SP3: variants seen among roughly 807,000 people sequenced by gnomAD.
The protein encoded by SP3 is transcription factor Sp3.
A neutral mutation model predicts 70.3 loss-of-function variants in SP3; 10 were observed. The observed-to-expected ratio is 0.14, with a 90% CI of 0.09 to 0.24. SP3 has a LOEUF of 0.24. Ranked by LOEUF, SP3 falls within the 10% of genes least tolerant of loss-of-function variation. The pLI, the probability that SP3 is intolerant of heterozygous loss-of-function variation, is 1.00. For synonymous variants in SP3, 402 were observed against 333.5 expected, an observed-to-expected ratio of 1.21 and a Z score of -2.24; for missense variants, 825 against 914.6, an observed-to-expected ratio of 0.90 and a Z score of 1.26.
chr2:173,931,660 T>C (rs1157906398), intron 4 of SP3, among the ~76,000 whole-genome samples: 1 of 152,118 alleles, frequency 6.6e-6, no homozygotes, highest in Non-Finnish European at 1.5e-5. Context: ...TGTTGTTTAG[T>C]GTGGCCATTT....
intron 4 of SP3, among the ~76,000 whole-genome samples, chr2:173,926,646 T>A (rs1479834247): frequency 6.6e-6 from 1 of 152,076 alleles, no homozygotes; most frequent in Non-Finnish European, 1.5e-5. Flanking sequence ...AAAAATAAAT[T>A]GGGCCACAAT....
intron 4 of SP3, among the ~76,000 whole-genome samples, chr2:173,932,889 G>A (rs532292769): frequency 6.6e-6 from 1 of 152,292 alleles, no homozygotes; most frequent in South Asian, 2.1e-4. Context: ...CTACTCGGGA[G>A]GCTGAGGCAG....
chr2:173,951,771 T>C (rs1382434458), intron 4 of SP3, among the ~76,000 whole-genome samples: 1 of 152,226 alleles, frequency 6.6e-6, no homozygotes, highest in East Asian at 1.9e-4. Context: ...CTGTAAACTT[T>C]CTATACTGTT....
chr2:173,965,334 A>C lies in SP3; in HGVS notation c.-163T>G. On this transcript the variant is annotated 5_prime_UTR_variant, in exon 1 of 7. Transcript: ENST00000310015. ...TTGATTGACTGTGCGGGAAACACAA[A>C]AGGTGGAGCCTCCAGCCCAAAAGGG... The C allele has an allele frequency of 2.5e-6, 2 of 798,252 alleles. No individual in the cohort carries two copies. The highest frequency in any genetic ancestry group is 1.8e-5 in the African/African-American group (1 of 55,770). 49.4% of individuals were successfully genotyped at this position (798,252 alleles called of 1,614,324 possible).
intron 4 of SP3, among the ~76,000 whole-genome samples, chr2:173,949,597 G>A (rs188092613): frequency 1.1e-4 from 16 of 152,158 alleles, no homozygotes; most frequent in East Asian, 7.7e-4. Flanking sequence ...AACAGTACCC[G>A]ATAGAGTAGG....
intron 4 of SP3, among the ~76,000 whole-genome samples, chr2:173,939,189 G>A (rs1175683798): frequency 6.6e-6 from 1 of 152,152 alleles, no homozygotes; most frequent in African/African-American, 2.4e-5. Flanking sequence ...AGCGCTGTAA[G>A]TTATCTGTAG....
Position 173,906,954 on chromosome 2 carries a change from T to C in SP3, c.*2987A>G, listed in dbSNP as rs1472872671. ...TCTATGAAATAGGCTTGACATGCTT[T>C]CAGCTTATATGTATGTGTATTTTTA... On this transcript the variant is annotated 3_prime_UTR_variant, in exon 7 of 7. Coordinates refer to ENST00000310015, the MANE Select transcript of SP3 (RefSeq NM_003111.5). The C allele has an allele frequency of 2.6e-5, 4 of 152,248 alleles. No homozygotes were observed. Among genetic ancestry groups the C allele is most frequent in the African/African-American group, 9.6e-5 (4 of 41,472 alleles). 9.4% of individuals were successfully genotyped at this position (152,248 alleles called of 1,614,324 possible).
At chr2:173,939,812 A>C (rs1690313007) in intron 4 of SP3, among the ~76,000 whole-genome samples, 1 of 148,118 alleles carries the variant, frequency 6.8e-6, no homozygotes, top group Non-Finnish European at 1.5e-5. Flanking sequence ...AGGAATTAAA[A>C]AGATTAAAAA....
rs187423556 is a variant in SP3 at position 173,902,549 on chromosome 2, G to T, written c.*7392C>A. Among the ~76,000 whole-genome samples, 72 of 152,244 alleles carry T rather than the reference G, an allele frequency of 4.7e-4. No homozygotes were observed. The highest frequency in any genetic ancestry group is 6.8e-3 in the Middle Eastern group (2 of 294). ...TATTTCATTGCAGCATTGTTTATAA[G>T]TCAAAAATTGGAAATAACTGAGATG... On this transcript the variant is annotated 3_prime_UTR_variant, in exon 7 of 7. Transcript: ENST00000310015.
intron 4 of SP3, among the ~76,000 whole-genome samples, chr2:173,950,825 T>A (rs1690690800): frequency 6.6e-6 from 1 of 152,156 alleles, no homozygotes; most frequent in African/African-American, 2.4e-5. Context: ...AGAAAGATAG[T>A]ATACCAAGAG....
At chr2:173,924,229 TTTTA>T (rs1381318200) in intron 4 of SP3, among the ~76,000 whole-genome samples, 4 of 152,226 alleles carry the variant, frequency 2.6e-5, no homozygotes, top group African/African-American at 4.8e-5. Context: ...GAAATTAATC[TTTTA>T]TTAACCTTTC....
chr2:173,952,815 T>C (rs1402315064), intron 4 of SP3, among the ~76,000 whole-genome samples: 1 of 152,174 alleles, frequency 6.6e-6, no homozygotes, highest in African/African-American at 2.4e-5. Context: ...GGCCACATAT[T>C]GTACAATTAC....
At chr2:173,960,671 T>C (rs955396719) in intron 3 of SP3, among the ~76,000 whole-genome samples, 1 of 152,186 alleles carries the variant, frequency 6.6e-6, no homozygotes, top group South Asian at 2.1e-4. Context: ...ATCACTTTCA[T>C]AATAGTCACT....
rs1559084095 is a variant in SP3, at chr2:173,901,770, C to T, written c.*8171G>A. On this transcript the variant is annotated 3_prime_UTR_variant, in exon 7 of 7. Transcript: ENST00000310015. ...AGGCTGGAGTGCAGTGGTGCAATCT[C>T]GGCTCACTGCAACCTATGCCTCCTG... Among the ~76,000 whole-genome samples the T allele has an allele frequency of 7.0e-6, 1 of 142,918 alleles. No individual in the cohort carries two copies. Among genetic ancestry groups the T allele is most frequent in the Non-Finnish European group, 1.5e-5 (1 of 66,846 alleles). The allele number at this position is 142,918 out of a possible 152,430, so 93.8% of individuals were successfully genotyped here.
intron 5 of SP3, chr2:173,916,839 C>T (rs1188637388): frequency 6.6e-6 from 1 of 151,992 alleles, no homozygotes; most frequent in Non-Finnish European, 1.5e-5. Context: ...CAATAAATTC[C>T]CAACAAAAGA....
chr2:173,917,246 T>C (rs1238771593), intron 5 of SP3, among the ~76,000 whole-genome samples: 1 of 152,138 alleles, frequency 6.6e-6, no homozygotes, highest in Non-Finnish European at 1.5e-5. Context: ...CCCTCTAAAA[T>C]GAGTTTCAGA....
At chr2:173,935,664 A>G (rs1440494275) in intron 4 of SP3, among the ~76,000 whole-genome samples, 1 of 152,076 alleles carries the variant, frequency 6.6e-6, no homozygotes, top group African/African-American at 2.4e-5. Context: ...AGTTTTATCA[A>G]CTCTCCTGAC....
chr2:173,923,528 C>T (rs1046008233), intron 4 of SP3, among the ~76,000 whole-genome samples: 8 of 151,998 alleles, frequency 5.3e-5, no homozygotes, highest in African/African-American at 1.5e-4. Flanking sequence ...ATCAATAGAG[C>T]TAACAGAACA....
At chr2:173,921,069 T>A (rs530411195) in intron 4 of SP3, among the ~76,000 whole-genome samples, 5 of 152,296 alleles carry the variant, frequency 3.3e-5, no homozygotes, top group Admixed American at 6.5e-5. Flanking sequence ...TAAAATTTCA[T>A]CAAGTTATAT....
Sources: gnomAD v4.1 joint callset for allele counts (sites outside exome capture counted in the v4.1 genomes callset) on GRCh38, gnomAD v4.1.1 for gene constraint, MANE v1.5 for transcripts, NCBI Gene and HGNC (gene_info 2026-07-23, HGNC 2026-07-21) for gene names.